Variants in CDH4 observed in about 807,000 individuals in gnomAD.
CDH4 encodes cadherin-4.
Under a neutral mutation model 86.0 loss-of-function variants are expected in CDH4, and 33 were observed. The observed-to-expected ratio is 0.38, with a 90% CI of 0.29 to 0.51. The LOEUF (loss-of-function observed/expected upper bound fraction) is 0.51, where lower values mean the gene tolerates loss of function less well. CDH4 is among the 20% of genes least tolerant of loss of function. The pLI, the probability that CDH4 is intolerant of heterozygous loss-of-function variation, is 0.86. For missense variants in CDH4, 1,114 were observed against 1,307.4 expected, an observed-to-expected ratio of 0.85 and a Z score of 2.28; for synonymous variants, 555 against 549.4, an observed-to-expected ratio of 1.01 and a Z score of -0.14.
chr20:61,743,869 A>G (rs1420996732), intron 3 of CDH4, 80 bp downstream of exon 3: 14 of 1,097,488 alleles, frequency 1.3e-5, no homozygotes, highest in Non-Finnish European at 1.9e-5. Flanking sequence ...AGCCTCTGCC[A>G]GGGCTCCCAC....
At chr20:61,799,450 G>C (rs1979716627) in intron 4 of CDH4, among the ~76,000 whole-genome samples, 1 of 152,232 alleles carries the variant, frequency 6.6e-6, no homozygotes, top group South Asian at 2.1e-4. Context: ...TTGCATTTTA[G>C]AGTCGATCTT....
In CDH4 at chr20:61,252,358, G is replaced by A; in HGVS notation, c.-156G>A. 5.3e-6 allele frequency: 1 copy of A among 189,200 alleles called. No homozygotes were observed. Among genetic ancestry groups the A allele is most frequent in the Non-Finnish European group, 9.6e-6 (1 of 104,578 alleles). 11.7% of individuals were successfully genotyped at this position (189,200 alleles called of 1,614,324 possible). ...GGCTCCCGGAGCCGGGGCGGCGAGC[G>A]CGGCGGGCGCAGCGGGGCTGGAGGC... On this transcript the variant is annotated 5_prime_UTR_variant, in exon 1 of 16. Coordinates refer to ENST00000614565, the MANE Select transcript of CDH4 (RefSeq NM_001794.5). The surrounding 1 kb of genome is among the most constrained non-coding windows in gnomAD (Gnocchi z 4.4).
chr20:61,532,912 C>T (rs2085966582), intron 2 of CDH4, among the ~76,000 whole-genome samples: 1 of 152,168 alleles, frequency 6.6e-6, no homozygotes, highest in African/African-American at 2.4e-5. Flanking sequence ...CTGCTCAGGT[C>T]TCCCTGCGAT....
intron 9 of CDH4, among the ~76,000 whole-genome samples, chr20:61,919,868 G>A (rs1250527841): frequency 8.1e-6 from 1 of 124,110 alleles, no homozygotes; most frequent in Non-Finnish European, 1.7e-5. Context: ...GTGTCGCGGT[G>A]ATTGCATGGA....
At chr20:61,621,983 T>G (rs1475163146) in intron 2 of CDH4, among the ~76,000 whole-genome samples, 3 of 152,220 alleles carry the variant, frequency 2.0e-5, no homozygotes, top group East Asian at 3.8e-4. Context: ...GTAGGAAGCA[T>G]GCTCTGCAGG....
intron 2 of CDH4, chr20:61,570,404 C>T (rs57042540): frequency 0.038 from 16,522 of 437,204 alleles, 775 homozygotes; most frequent in African/African-American, 0.15. Context: ...GGCCTGGCTG[C>T]AGACGTACAC....
At chr20:61,470,155 T>C (rs2085494436) in intron 2 of CDH4, among the ~76,000 whole-genome samples, 1 of 152,208 alleles carries the variant, frequency 6.6e-6, no homozygotes, top group Non-Finnish European at 1.5e-5. Context: ...TTGGAAAGTA[T>C]GGACACTTTA....
intron 2 of CDH4, among the ~76,000 whole-genome samples, chr20:61,446,857 A>G (rs1393040383): frequency 6.6e-6 from 1 of 152,142 alleles, no homozygotes; most frequent in African/African-American, 2.4e-5. Flanking sequence ...AGTTTGGCCA[A>G]TTTGTTAGGG....
At chr20:61,833,001 G>A (rs953288963) in intron 4 of CDH4, among the ~76,000 whole-genome samples, 4 of 152,174 alleles carry the variant, frequency 2.6e-5, no homozygotes, top group Admixed American at 6.5e-5. Context: ...CAGCAGAAGG[G>A]GAGAGAGTAC....
At position 61,670,538 on chromosome 20, in the gene CDH4, C is replaced by T. The variant is rs573711884; in HGVS notation, c.170-73025C>T. 2.6e-5 allele frequency among the ~76,000 whole-genome samples: 4 copies of T among 152,268 alleles called. No individual in the cohort carries two copies. In the East Asian group the frequency reaches 5.8e-4, roughly 22 times the overall value. Reference sequence around the variant, plus strand: ...AGATAACAAAGGAGTGGTTCCCTACCGAATACTGGAGGTACCATTGCCAAA... The same window carrying T: ...AGATAACAAAGGAGTGGTTCCCTACTGAATACTGGAGGTACCATTGCCAAA... On this transcript the variant is annotated intron_variant, in intron 2 of 15. Transcript: ENST00000614565.
chr20:61,698,932 C>G (rs533773099), intron 2 of CDH4, among the ~76,000 whole-genome samples: 5 of 152,240 alleles, frequency 3.3e-5, no homozygotes, highest in Non-Finnish European at 7.3e-5. Context: ...TGATAAGCTA[C>G]TCACTTCGCA....
intron 2 of CDH4, among the ~76,000 whole-genome samples, chr20:61,614,418 C>T (rs2086709524): frequency 6.6e-6 from 1 of 152,068 alleles, no homozygotes. Flanking sequence ...ATTTGTCTGT[C>T]CAGTAAACTT....
intron 2 of CDH4, among the ~76,000 whole-genome samples, chr20:61,661,090 G>GA (rs958309521): frequency 2.1e-5 from 3 of 141,730 alleles, no homozygotes; most frequent in Admixed American, 6.9e-5. Flanking sequence ...ATGGCGGGGG[G>GA]GGGGGAGACA....
chr20:61,861,675 G>A (rs1362037882), intron 6 of CDH4, among the ~76,000 whole-genome samples: 1 of 152,064 alleles, frequency 6.6e-6, no homozygotes, highest in Non-Finnish European at 1.5e-5. Context: ...CGAGGCCTGT[G>A]TGGTGGTCAC....
intron 2 of CDH4, among the ~76,000 whole-genome samples, chr20:61,451,128 C>CA (rs11481263): frequency 1.8e-5 from 2 of 111,050 alleles, no homozygotes; most frequent in Admixed American, 1.1e-4. Context: ...TCACGCCCCC[C>CA]CCCTTCCCTC....
chr20:61,857,989 G>A (rs1274504784), intron 6 of CDH4, among the ~76,000 whole-genome samples: 1 of 151,662 alleles, frequency 6.6e-6, no homozygotes, highest in Non-Finnish European at 1.5e-5. Context: ...GTCTGAGTGT[G>A]TGTGTCTCTG....
At chr20:61,783,244 A>G (rs964110390) in intron 4 of CDH4, among the ~76,000 whole-genome samples, 4 of 152,264 alleles carry the variant, frequency 2.6e-5, no homozygotes, top group Non-Finnish European at 4.4e-5. Context: ...TCATTACCCA[A>G]CATTCTATCT....
intron 2 of CDH4, among the ~76,000 whole-genome samples, chr20:61,401,479 TGAAATGAGA>T (rs2085049284): frequency 6.6e-6 from 1 of 152,192 alleles, no homozygotes. Context: ...CTTTTTTGTT[TGAAATGAGA>T]GAAACGTAAC....
chr20:61,600,256 A>G lies in CDH4; in HGVS notation c.170-143307A>G, dbSNP rs2427165. On this transcript the variant is annotated intron_variant, in intron 2 of 15. Coordinates refer to ENST00000614565, the MANE Select transcript of CDH4 (RefSeq NM_001794.5). ...ATGGAGACAGAGGGTGTCGGGGTCAATGATCACCTGGATTCCGGGATTCCT... is the reference window on the plus strand; with the variant it reads ...ATGGAGACAGAGGGTGTCGGGGTCAGTGATCACCTGGATTCCGGGATTCCT... Among the ~76,000 whole-genome samples the G allele has an allele frequency of 0.6, 90,661 of 152,174 alleles. 28,689 individuals carry two copies. Among genetic ancestry groups the G allele is most frequent in the Non-Finnish European group, 0.7 (47,490 of 68,004 alleles).
Sources: allele counts gnomAD v4.1 joint callset (sites outside exome capture counted in the v4.1 genomes callset), GRCh38; gene constraint gnomAD v4.1.1; non-coding constraint Gnocchi (gnomAD v3.1); transcripts MANE v1.5; gene names NCBI Gene and HGNC (gene_info 2026-07-23, HGNC 2026-07-21).